Variants in RAMP3 observed in about 807,000 individuals in gnomAD.
RAMP3 encodes receptor activity-modifying protein 3.
RAMP3 carries 14 observed loss-of-function variants against 13.5 expected under a neutral mutation model. The ratio of observed to expected loss-of-function variants is 1.04; its 90% CI spans 0.69 to 1.63. RAMP3 has a LOEUF of 1.63. RAMP3 is among the 40% of genes most tolerant of loss of function. The probability of loss-of-function intolerance (pLI) is 0.00; values close to 1 mark genes in which losing one functional copy is unlikely to be tolerated. For missense variants in RAMP3, 200 were observed against 204.8 expected (o/e 0.98, Z 0.14); for synonymous variants, 106 against 88.3 (o/e 1.20, Z -1.12).
chr7:45,175,432 G>T (rs1180484640), intron 1 of RAMP3, among the ~76,000 whole-genome samples: 1 of 152,194 alleles, frequency 6.6e-6, no homozygotes. Flanking sequence ...TGGACAGAAG[G>T]GGAGATGTGA....
At position 45,183,393 on chromosome 7, in the gene RAMP3, G is replaced by A. The variant is rs1440332844; in HGVS notation, c.428G>A (p.Arg143His). Residue 143 changes from arginine to histidine, a missense_variant, in exon 3 of 3, where the codon CGC (arginine) becomes CAC (histidine). Physicochemically the swap from Arg to His is conservative, Grantham distance 29. Transcript: ENST00000242249. ...GGCCTGGTGGTGTGGCGCAGCAAAC[G>A]CACCGACACGCTGCTGTGAGGGTCC... ...MAGLVVWRSK[R>H]TDTLL 2.5e-6 allele frequency: 4 copies of A among 1,612,570 alleles called. No homozygotes were observed. The highest frequency in any genetic ancestry group is 3.3e-5 in the Admixed American group (2 of 60,012).
rs540100589 is a variant in RAMP3 at position 45,162,389 on chromosome 7, G to A, written c.58+4503G>A. ...GGATCGGGGACCAGGGCTAAGTGGGGCCACTCCAGCCAGGAGCCCTCAGGG... is the reference window on the plus strand; with the variant it reads ...GGATCGGGGACCAGGGCTAAGTGGGACCACTCCAGCCAGGAGCCCTCAGGG... On this transcript the variant is annotated intron_variant, in intron 1 of 2. Transcript: ENST00000242249. Among the ~76,000 whole-genome samples, 206 of 152,318 alleles carry A rather than the reference G, an allele frequency of 1.4e-3. 1 individual carries two copies. The highest frequency in any genetic ancestry group is 3.4e-3 in the Admixed American group (52 of 15,306).
At chr7:45,158,303 G>GC (rs566350859) in intron 1 of RAMP3, among the ~76,000 whole-genome samples, 199 of 152,322 alleles carry the variant, frequency 1.3e-3, no homozygotes, top group African/African-American at 4.3e-3. Context: ...TTGAGTGCCT[G>GC]CCCACCACTC....
At chr7:45,164,338 T>C (rs1272882060) in intron 1 of RAMP3, among the ~76,000 whole-genome samples, 1 of 152,038 alleles carries the variant, frequency 6.6e-6, no homozygotes, top group Non-Finnish European at 1.5e-5. Flanking sequence ...CACTGGAGCC[T>C]AGCCTGGGTA....
intron 1 of RAMP3, among the ~76,000 whole-genome samples, chr7:45,160,860 C>T (rs1785854268): frequency 6.6e-6 from 1 of 152,252 alleles, no homozygotes; most frequent in African/African-American, 2.4e-5. Context: ...GGCAATGGCC[C>T]TCTTTTGTGG....
chr7:45,163,172 G>A, intron 1 of RAMP3: 3 of 985,386 alleles, frequency 3.0e-6, no homozygotes, highest in Non-Finnish European at 3.6e-6. Flanking sequence ...CTGTGGCCTG[G>A]GTGAGCCTAT....
chr7:45,180,269 A>C (rs912459197), intron 2 of RAMP3, among the ~76,000 whole-genome samples: 2 of 152,210 alleles, frequency 1.3e-5, no homozygotes, highest in African/African-American at 4.8e-5. Context: ...GGTGGAGGGC[A>C]CTTGATGCTT....
chr7:45,181,135 C>A (rs532320628), intron 2 of RAMP3, among the ~76,000 whole-genome samples: 16 of 152,322 alleles, frequency 1.1e-4, no homozygotes, highest in Non-Finnish European at 2.4e-4. Context: ...TGTTATTAAA[C>A]CCACTTACAG....
intron 1 of RAMP3, chr7:45,163,095 T>C: frequency 1.1e-6 from 1 of 910,638 alleles, no homozygotes; most frequent in Non-Finnish European, 1.3e-6. Flanking sequence ...TCTGAATCAC[T>C]TGGAGGTTTT....
intron 2 of RAMP3, among the ~76,000 whole-genome samples, 186 bp downstream of exon 2, chr7:45,177,627 G>A (rs1404806240): frequency 2.6e-5 from 4 of 151,962 alleles, no homozygotes; most frequent in African/African-American, 4.8e-5. Context: ...CCCCAACCAC[G>A]CTCCTATTCA....
intron 1 of RAMP3, among the ~76,000 whole-genome samples, chr7:45,166,574 T>A (rs1285826967): frequency 2.0e-5 from 3 of 152,218 alleles, no homozygotes; most frequent in African/African-American, 4.8e-5. Flanking sequence ...TTATCAGATA[T>A]ACAACTTGCA....
At chr7:45,159,854 C>T (rs1435607338) in intron 1 of RAMP3, among the ~76,000 whole-genome samples, 2 of 152,216 alleles carry the variant, frequency 1.3e-5, no homozygotes, top group Non-Finnish European at 1.5e-5. Flanking sequence ...GGCTCACTCA[C>T]AGCACCCAAA....
intron 1 of RAMP3, among the ~76,000 whole-genome samples, chr7:45,174,634 C>T (rs562228857): frequency 2.4e-4 from 36 of 152,284 alleles, no homozygotes; most frequent in African/African-American, 8.4e-4. Flanking sequence ...CCACTGACAT[C>T]GGAGCTCAGG....
rs1296066464 is a variant in RAMP3 at position 45,183,487 on chromosome 7, G to T, written c.*75G>T. ...TCCCTGGGGATGGGAGAGCGGGTGG[G>T]TGCTGCCAATCTCCAGCTACTGTGG... On this transcript the variant is annotated 3_prime_UTR_variant, in exon 3 of 3. Coordinates refer to ENST00000242249, the MANE Select transcript of RAMP3 (RefSeq NM_005856.3). 6.4e-6 allele frequency: 10 copies of T among 1,571,976 alleles called. No individual in the cohort carries two copies. The highest frequency in any genetic ancestry group is 1.7e-5 in the Admixed American group (1 of 59,408).
rs930498484 is a variant in RAMP3, at chr7:45,177,585, C to G, written c.191+144C>G. Reference sequence around the variant, plus strand: ...AACCCACCGTAGGCCACCCACAGCCCTTTCATGTGCTGCCCCACACTTTGC... The same window carrying G: ...AACCCACCGTAGGCCACCCACAGCCGTTTCATGTGCTGCCCCACACTTTGC... On this transcript the variant is annotated intron_variant, in intron 2 of 2. Transcript: ENST00000242249. 12 of 1,232,430 alleles carry G rather than the reference C, an allele frequency of 9.7e-6. No individual in the cohort carries two copies. In the African/African-American group the frequency reaches 1.7e-4, roughly 17 times the overall value. 76.3% of individuals were successfully genotyped at this position (1,232,430 alleles called of 1,614,324 possible).
chr7:45,172,535 G>A (rs1433365627), intron 1 of RAMP3, among the ~76,000 whole-genome samples: 2 of 152,150 alleles, frequency 1.3e-5, no homozygotes, highest in African/African-American at 4.8e-5. Flanking sequence ...GAGTGCAGTG[G>A]CACGATCTTG....
intron 1 of RAMP3, among the ~76,000 whole-genome samples, chr7:45,169,119 A>G (rs1372605095): frequency 1.3e-5 from 2 of 152,230 alleles, no homozygotes; most frequent in Non-Finnish European, 1.5e-5. Context: ...TTCCTGAGAT[A>G]AAACCTTCTT....
intron 1 of RAMP3, among the ~76,000 whole-genome samples, chr7:45,164,462 G>A (rs960933820): frequency 2.6e-5 from 4 of 152,110 alleles, no homozygotes; most frequent in African/African-American, 9.7e-5. Context: ...TCAAGCCCAG[G>A]CAGTGAAGGC....
intron 2 of RAMP3, among the ~76,000 whole-genome samples, chr7:45,179,330 C>T (rs1338260003): frequency 1.3e-5 from 2 of 148,420 alleles, no homozygotes; most frequent in African/African-American, 4.9e-5. Flanking sequence ...GTCCCAGTGT[C>T]TCATCAGCTC....
Sources: gnomAD v4.1 joint callset for allele counts (sites outside exome capture counted in the v4.1 genomes callset) on GRCh38, gnomAD v4.1.1 for gene constraint, MANE v1.5 for transcripts, NCBI Gene and HGNC (gene_info 2026-07-23, HGNC 2026-07-21) for gene names.